The following RAB27B variants were observed in gnomAD, a reference collection of about 807,000 sequenced individuals.
The protein encoded by RAB27B is RAB27B, member RAS oncogene family, also known as ras-related protein Rab-27B.
RAB27B carries 15 observed loss-of-function variants against 24.6 expected under a neutral mutation model. The ratio of observed to expected loss-of-function variants is 0.61; its 90% CI spans 0.41 to 0.94. The LOEUF is 0.94. RAB27B is among the 40% of genes least tolerant of loss of function. The pLI is 0.00. For missense variants in RAB27B, 261 were observed against 266.8 expected, an observed-to-expected ratio of 0.98 and a Z score of 0.15; for synonymous variants, 105 against 92.5, an observed-to-expected ratio of 1.14 and a Z score of -0.78.
chr18:54,884,181 A>G, intron 3 of RAB27B, 152 bp from the exon 4 acceptor site: 1 of 522,608 alleles, frequency 1.9e-6, no homozygotes, highest in Non-Finnish European at 3.4e-6. Flanking sequence ...TTGGTTCTTC[A>G]GCAATTTCTC....
intron 2 of RAB27B, among the ~76,000 whole-genome samples, chr18:54,805,161 A>T (rs1194243878): frequency 1.3e-5 from 2 of 151,996 alleles, no homozygotes; most frequent in Non-Finnish European, 2.9e-5. Context: ...TTCCAGGGAC[A>T]TGAGGCACTC....
intron 1 of RAB27B, among the ~76,000 whole-genome samples, chr18:54,829,195 A>G (rs1337445214): frequency 6.6e-6 from 1 of 152,050 alleles, no homozygotes; most frequent in African/African-American, 2.4e-5. Context: ...CTGTTTTCCA[A>G]TTTTTTGCTC....
chr18:54,780,234 C>CAA lies in RAB27B; in HGVS notation c.-20+62093_-20+62094insAA, dbSNP rs1908863700. On this transcript the variant is annotated intron_variant, in intron 2 of 4. Transcript: ENST00000586570. ...CACCGTGTCTCCCCTCTCCAGACAA[C>CAA]CTCCCCCTCACTATGTCTCCGCTGT... Among the ~76,000 whole-genome samples, 7 of 131,396 alleles carry CAA rather than the reference C, an allele frequency of 5.3e-5. No homozygotes were observed. The Admixed American group carries it at 5.6e-4, about 11-fold the overall frequency. 86.2% of individuals were successfully genotyped at this position (131,396 alleles called of 152,430 possible).
intron 1 of RAB27B, among the ~76,000 whole-genome samples, chr18:54,845,088 A>G (rs2145207382): frequency 6.6e-6 from 1 of 152,228 alleles, no homozygotes; most frequent in Admixed American, 6.5e-5. Context: ...ACATGGCCTG[A>G]TGTATTTGTC....
intron 2 of RAB27B, among the ~76,000 whole-genome samples, chr18:54,733,650 G>GGCCCCCC (rs1909794792): frequency 1.1e-5 from 1 of 92,300 alleles, no homozygotes; most frequent in Non-Finnish European, 2.3e-5. Flanking sequence ...CTGTTCTAGA[G>GGCCCCCC]CCCCCCCCCC....
intron 2 of RAB27B, among the ~76,000 whole-genome samples, chr18:54,785,331 A>G (rs1468281277): frequency 6.6e-6 from 1 of 150,420 alleles, no homozygotes; most frequent in African/African-American, 2.5e-5. Context: ...TGAACTCCTG[A>G]CCTCAAATGA....
chr18:54,798,107 A>T (rs1431114739), intron 2 of RAB27B, among the ~76,000 whole-genome samples: 4 of 151,954 alleles, frequency 2.6e-5, no homozygotes, highest in Non-Finnish European at 5.9e-5. Context: ...TTTTTCTCTG[A>T]TCTATTCTCT....
chr18:54,761,872 CA>C (rs1008850539), intron 2 of RAB27B, among the ~76,000 whole-genome samples: 3 of 152,146 alleles, frequency 2.0e-5, no homozygotes, highest in African/African-American at 7.2e-5. Context: ...AATCCATGCC[CA>C]CCCAGAGTCT....
Position 54,725,342 on chromosome 18 carries a change from T to C in RAB27B, c.-20+7201T>C, listed in dbSNP as rs565803908. On this transcript the variant is annotated intron_variant, in intron 2 of 4. Transcript: ENST00000586570. ...GATTAACCTTTGAGTGAGAACCATT[T>C]CAGGGTGAGTTTACTAAGGATTCAA... is the stretch of plus-strand genomic sequence containing the variant. Among the ~76,000 whole-genome samples, 60 of 151,620 alleles carry C rather than the reference T, an allele frequency of 4.0e-4. 3 individuals are homozygous for C. Among genetic ancestry groups the C allele is most frequent in the Admixed American group, 9.2e-4 (14 of 15,168 alleles).
chr18:54,806,206 A>G (rs150894235), intron 2 of RAB27B, among the ~76,000 whole-genome samples: 1 of 152,204 alleles, frequency 6.6e-6, no homozygotes, highest in Non-Finnish European at 1.5e-5. Context: ...GCCAGCACAG[A>G]TAAGCAGTGT....
chr18:54,810,145 G>A (rs1909917586), intron 2 of RAB27B, among the ~76,000 whole-genome samples: 1 of 152,118 alleles, frequency 6.6e-6, no homozygotes, highest in African/African-American at 2.4e-5. Context: ...GAAGGATAAA[G>A]AGTTAAATTA....
intron 2 of RAB27B, among the ~76,000 whole-genome samples, chr18:54,758,360 G>A (rs994496523): frequency 2.0e-5 from 3 of 152,158 alleles, no homozygotes; most frequent in Non-Finnish European, 2.9e-5. Context: ...AAGAAAGGCC[G>A]TAGAAAGGTT....
chr18:54,788,616 G>A (rs1001522237), intron 2 of RAB27B, among the ~76,000 whole-genome samples: 7 of 152,148 alleles, frequency 4.6e-5, no homozygotes, highest in Non-Finnish European at 8.8e-5. Flanking sequence ...GCTGACTTTT[G>A]AGAACAACAA....
chr18:54,888,077 A>C lies in RAB27B; in HGVS notation c.426A>C (p.Glu142Asp). 1 of 1,613,190 alleles carries C rather than the reference A, an allele frequency of 6.2e-7. No individual in the cohort carries two copies. Among genetic ancestry groups the C allele is most frequent in the Non-Finnish European group, 8.5e-7 (1 of 1,179,392 alleles). ...AGGCAGACCTACCAGATCAGAGGGA[A>C]GTCAATGAACGGCAAGCTCGGGAAC... The part of the protein sequence containing the change: ...GNKADLPDQR[E>D]VNERQARELA... The change falls in exon 5 of 6, where the codon GAA becomes GAC. Residue 142 changes from glutamate (E) to aspartate (D), a missense_variant. Transcript: ENST00000262094.
chr18:54,784,341 G>A (rs539409014), intron 2 of RAB27B, among the ~76,000 whole-genome samples: 1 of 152,218 alleles, frequency 6.6e-6, no homozygotes, highest in Non-Finnish European at 1.5e-5. Context: ...ATGTGCAGAT[G>A]TGTTACATGG....
chr18:54,854,294 C>A (rs372242251), intron 1 of RAB27B, among the ~76,000 whole-genome samples: 44 of 152,212 alleles, frequency 2.9e-4, no homozygotes, highest in African/African-American at 1.0e-3. Flanking sequence ...TCCACATACA[C>A]ACTTTTTCGT....
intron 1 of RAB27B, 90 bp from the exon 2 acceptor site, chr18:54,877,477 C>A: frequency 9.3e-7 from 1 of 1,074,120 alleles, no homozygotes; most frequent in Non-Finnish European, 1.2e-6. Flanking sequence ...ACTTTTTAAC[C>A]CTGAAAATTA....
chr18:54,851,285 G>A (rs1911577174), intron 1 of RAB27B, among the ~76,000 whole-genome samples: 1 of 151,974 alleles, frequency 6.6e-6, no homozygotes, highest in Non-Finnish European at 1.5e-5. Flanking sequence ...CTTTATAATA[G>A]TGTTTGTTTT....
chr18:54,801,012 T>G (rs1424594335), intron 2 of RAB27B, among the ~76,000 whole-genome samples: 4 of 110,692 alleles, frequency 3.6e-5, no homozygotes, highest in African/African-American at 4.3e-5. Context: ...TCCTGTGTTT[T>G]TTTTTTTTTT....
Sources: gnomAD v4.1 joint callset for allele counts (sites outside exome capture counted in the v4.1 genomes callset) on GRCh38, gnomAD v4.1.1 for gene constraint, MANE v1.5 for transcripts, NCBI Gene and HGNC (gene_info 2026-07-23, HGNC 2026-07-21) for gene names.